Variants in CCBE1 observed in about 807,000 individuals in gnomAD.
CCBE1 encodes collagen and calcium-binding EGF domain-containing protein 1.
A neutral mutation model predicts 50.0 loss-of-function variants in CCBE1; 37 were observed. That is an observed-to-expected ratio of 0.74 (90% CI 0.57 to 0.97). The LOEUF (loss-of-function observed/expected upper bound fraction) is 0.97, where lower values mean the gene tolerates loss of function less well. Ranked by LOEUF, CCBE1 falls within the 50% of genes least tolerant of loss-of-function variation. The probability of loss-of-function intolerance (pLI) is 0.00; values close to 1 mark genes in which losing one functional copy is unlikely to be tolerated. For synonymous variants in CCBE1, 234 were observed against 203.7 expected (o/e 1.15, Z -1.27); for missense variants, 538 against 523.8 (o/e 1.03, Z -0.26).
At chr18:59,450,678 G>A (rs1193799824) in intron 6 of CCBE1, among the ~76,000 whole-genome samples, 1 of 152,142 alleles carries the variant, frequency 6.6e-6, no homozygotes, top group East Asian at 1.9e-4. Context: ...GAGATTACAG[G>A]CTCCCGCCAC....
At chr18:59,687,950 C>T (rs2054679429) in intron 2 of CCBE1, among the ~76,000 whole-genome samples, 2 of 151,850 alleles carry the variant, frequency 1.3e-5, no homozygotes, top group African/African-American at 4.8e-5. Context: ...AACAGAGATT[C>T]CATTTGAAAA....
chr18:59,466,569 A>G (rs1911753525), intron 5 of CCBE1, among the ~76,000 whole-genome samples, 170 bp downstream of exon 5: 1 of 151,456 alleles, frequency 6.6e-6, no homozygotes, highest in Non-Finnish European at 1.5e-5. Context: ...TAGACATTAA[A>G]CATAATGTGG....
chr18:59,507,236 T>A (rs9962922), intron 2 of CCBE1, among the ~76,000 whole-genome samples: 51,952 of 152,080 alleles, frequency 0.34, 9,454 homozygotes, highest in East Asian at 0.49. Flanking sequence ...CAGCCCTCCA[T>A]TTCATTCACT....
chr18:59,614,487 C>T (rs1599064987), intron 2 of CCBE1, among the ~76,000 whole-genome samples: 3 of 152,152 alleles, frequency 2.0e-5, no homozygotes, highest in Admixed American at 2.0e-4. Flanking sequence ...GGTTGCCTTC[C>T]CGAGCTACTT....
intron 10 of CCBE1, 71 bp downstream of exon 10, chr18:59,438,040 C>T (rs1910238263): frequency 3.9e-6 from 6 of 1,529,892 alleles, no homozygotes; most frequent in Admixed American, 3.4e-5. Flanking sequence ...ACTAGACCAA[C>T]CTATAGGCTC....
rs116894675 is a variant in CCBE1, at chr18:59,572,823, G to A, written c.213-92585C>T. Among the ~76,000 whole-genome samples the A allele has an allele frequency of 2.0e-3, 299 of 152,278 alleles. 4 individuals are homozygous for A. In the East Asian group the frequency reaches 0.03, roughly 15 times the overall value. On this transcript the variant is annotated intron_variant, in intron 2 of 10. Transcript: ENST00000439986. The stretch of plus-strand genomic sequence containing the variant: ...CGCAATGTCTTGAAGACATTAAAGA[G>A]TATACGTGTGTGCCCCTAAGATGGT...
intron 2 of CCBE1, among the ~76,000 whole-genome samples, chr18:59,609,096 A>G (rs2053539360): frequency 6.6e-6 from 1 of 152,166 alleles, no homozygotes; most frequent in Admixed American, 6.5e-5. Flanking sequence ...TATCTTCGAG[A>G]CAGCACTTTT....
intron 2 of CCBE1, 159 bp downstream of exon 2, chr18:59,696,470 A>ACCCTC: frequency 6.7e-7 from 1 of 1,500,372 alleles, no homozygotes; most frequent in Non-Finnish European, 8.9e-7. Context: ...GATCCAACCA[A>ACCCTC]CCCTCAAAGA....
At chr18:59,518,747 C>A (rs1914477782) in intron 2 of CCBE1, among the ~76,000 whole-genome samples, 1 of 152,178 alleles carries the variant, frequency 6.6e-6, no homozygotes, top group Admixed American at 6.6e-5. Context: ...TTTGTGGGGC[C>A]AACTGCCCAC....
intron 2 of CCBE1, among the ~76,000 whole-genome samples, chr18:59,670,288 A>G (rs75865616): frequency 0.019 from 2,922 of 152,278 alleles, 99 homozygotes; most frequent in African/African-American, 0.067. Flanking sequence ...AAAGAAATGG[A>G]CACTCTTGCA....
chr18:59,621,385 C>T (rs1002471695), intron 2 of CCBE1, among the ~76,000 whole-genome samples: 2 of 152,180 alleles, frequency 1.3e-5, no homozygotes, highest in Non-Finnish European at 2.9e-5. Flanking sequence ...ACTGCCTGAC[C>T]ACCTGCTCTG....
rs755919276 is a variant in CCBE1 at position 59,466,786 on chromosome 18, T to C, written c.506A>G (p.Asp169Gly). ...TCCCCTGGTACATGTCTTCCCATCA[T>C]CTTCCCGGATGTAGCCTTCCCGGCA... ...CECREGYIRE[D>G]DGKTCTRGDK... The change falls in exon 5 of 11, where the codon GAT (aspartate) becomes GGT (glycine). Residue 169 changes from aspartate (D) to glycine (G), a missense_variant. Transcript: ENST00000439986. 6.2e-7 allele frequency: 1 copy of C among 1,613,804 alleles called. No individual in the cohort carries two copies. Among genetic ancestry groups the C allele is most frequent in the Non-Finnish European group, 8.5e-7 (1 of 1,179,926 alleles).
chr18:59,547,853 G>C (rs1001222760), intron 2 of CCBE1, among the ~76,000 whole-genome samples: 1 of 152,202 alleles, frequency 6.6e-6, no homozygotes, highest in Non-Finnish European at 1.5e-5. Context: ...TGCCACAGCT[G>C]ATTCAGCAGG....
At chr18:59,442,482 C>A (rs1910478871) in intron 7 of CCBE1, among the ~76,000 whole-genome samples, 1 of 152,170 alleles carries the variant, frequency 6.6e-6, no homozygotes, top group African/African-American at 2.4e-5. Context: ...AATCCCAGCA[C>A]TTTGAGAGGC....
intron 2 of CCBE1, among the ~76,000 whole-genome samples, chr18:59,516,285 A>G (rs937872905): frequency 6.6e-6 from 1 of 151,782 alleles, no homozygotes; most frequent in Non-Finnish European, 1.5e-5. Context: ...TTGTCCTTAT[A>G]CATAGATACC....
intron 2 of CCBE1, among the ~76,000 whole-genome samples, chr18:59,488,486 A>G (rs8082983): frequency 0.41 from 62,760 of 152,016 alleles, 13,915 homozygotes; most frequent in East Asian, 0.83. Flanking sequence ...AGTAAAAGGT[A>G]TATGTGGGAG....
At chr18:59,506,825 G>A (rs1913896408) in intron 2 of CCBE1, among the ~76,000 whole-genome samples, 1 of 152,174 alleles carries the variant, frequency 6.6e-6, no homozygotes, top group Non-Finnish European at 1.5e-5. Flanking sequence ...TATCACCTCT[G>A]GGACAATAAA....
At chr18:59,535,288 G>A (rs1052794947) in intron 2 of CCBE1, among the ~76,000 whole-genome samples, 2 of 152,178 alleles carry the variant, frequency 1.3e-5, no homozygotes, top group African/African-American at 4.8e-5. Flanking sequence ...CTTACTGAAG[G>A]GGAGGCACTT....
chr18:59,688,346 T>C (rs2144744198), intron 2 of CCBE1: 1 of 152,334 alleles, frequency 6.6e-6, no homozygotes, highest in Admixed American at 6.5e-5. Flanking sequence ...CTCAGGAGGA[T>C]GAAGCAGGAG....
Sources: allele counts gnomAD v4.1 joint callset (sites outside exome capture counted in the v4.1 genomes callset), GRCh38; gene constraint gnomAD v4.1.1; transcripts MANE v1.5; gene names NCBI Gene and HGNC (gene_info 2026-07-23, HGNC 2026-07-21).